The following ARAP2 variants were observed in gnomAD, a reference collection of about 807,000 sequenced individuals.
ARAP2 encodes the protein ArfGAP with RhoGAP domain, ankyrin repeat and PH domain 2, also known as arf-GAP with Rho-GAP domain, ANK repeat and PH domain-containing protein 2.
In ARAP2, 148 loss-of-function variants were observed where a neutral mutation model predicts 194.5. The ratio of observed to expected loss-of-function variants is 0.76; its 90% CI spans 0.67 to 0.87. The LOEUF (loss-of-function observed/expected upper bound fraction) is 0.87, where lower values mean the gene tolerates loss of function less well. Ranked by LOEUF, ARAP2 falls within the 40% of genes least tolerant of loss-of-function variation. ARAP2 has a pLI of 0.00. For missense variants in ARAP2, 2,128 were observed against 1,989.7 expected (o/e 1.07, Z -1.32); for synonymous variants, 695 against 683.5 (o/e 1.02, Z -0.26).
rs552488401 is a variant in ARAP2 at position 36,180,545 on chromosome 4, C to T, written c.1679-2540G>A. Among the ~76,000 whole-genome samples the T allele has an allele frequency of 7.9e-5, 12 of 152,294 alleles. No individual in the cohort carries two copies. In the East Asian group the frequency reaches 2.1e-3, roughly 27 times the overall value. Reference sequence around the variant, plus strand: ...TTATTACTTGTGATCGTTAGTTTCACGTAAGATATTCCTGCCGAATAAATG... The same window carrying T: ...TTATTACTTGTGATCGTTAGTTTCATGTAAGATATTCCTGCCGAATAAATG... On this transcript the variant is annotated intron_variant, in intron 8 of 32. Transcript: ENST00000303965.
chr4:36,108,767 C>G (rs1287528302), intron 26 of ARAP2, among the ~76,000 whole-genome samples: 1 of 151,888 alleles, frequency 6.6e-6, no homozygotes, highest in African/African-American at 2.4e-5. Flanking sequence ...TAAAATGTAG[C>G]AACAGAAACA....
chr4:36,098,230 T>C (rs1715857297), intron 27 of ARAP2, among the ~76,000 whole-genome samples: 2 of 151,960 alleles, frequency 1.3e-5, no homozygotes, highest in African/African-American at 2.4e-5. Context: ...TTCTCAGATA[T>C]ATATCCCCCG....
At chr4:36,177,295 T>C (rs986815106) in intron 9 of ARAP2, among the ~76,000 whole-genome samples, 1 of 152,174 alleles carries the variant, frequency 6.6e-6, no homozygotes, top group Non-Finnish European at 1.5e-5. Flanking sequence ...GATGTATGTA[T>C]GTATGTGCAC....
At chr4:36,182,494 T>C in intron 8 of ARAP2, among the ~76,000 whole-genome samples, 1 of 75,666 alleles carries the variant, frequency 1.3e-5, no homozygotes, top group South Asian at 5.6e-4. Context: ...AGACTCCATC[T>C]CTAAATAAAT....
At chr4:36,076,603 T>C (rs1201078746) in intron 31 of ARAP2, among the ~76,000 whole-genome samples, 1 of 151,780 alleles carries the variant, frequency 6.6e-6, no homozygotes, top group Admixed American at 6.6e-5. Flanking sequence ...TCTCTCTCTC[T>C]CCCCAACCCT....
At chr4:36,110,672 T>C (rs568119036) in intron 26 of ARAP2, among the ~76,000 whole-genome samples, 5 of 152,094 alleles carry the variant, frequency 3.3e-5, no homozygotes, top group African/African-American at 1.2e-4. Flanking sequence ...TCAAAAATGT[T>C]AAAATATTTT....
At chr4:36,194,795 T>A (rs1314114247) in intron 6 of ARAP2, among the ~76,000 whole-genome samples, 1 of 152,214 alleles carries the variant, frequency 6.6e-6, no homozygotes, top group African/African-American at 2.4e-5. Context: ...ATTGAATTAA[T>A]TATGAAGTAA....
chr4:36,083,513 A>G (rs770390762), intron 28 of ARAP2, 63 bp from the exon 29 acceptor site: 6 of 1,163,218 alleles, frequency 5.2e-6, no homozygotes, highest in Admixed American at 5.5e-5. Context: ...ATTTTCTTTG[A>G]GCATTAATGA....
At chr4:36,181,064 G>A (rs1023439082) in intron 8 of ARAP2, among the ~76,000 whole-genome samples, 3 of 152,212 alleles carry the variant, frequency 2.0e-5, no homozygotes, top group African/African-American at 4.8e-5. Context: ...AGAGTCTAGG[G>A]TAAAGTTAGA....
chr4:36,042,935 C>T (rs534380569), intron 5 of ARAP2, among the ~76,000 whole-genome samples: 1 of 151,918 alleles, frequency 6.6e-6, no homozygotes, highest in East Asian at 1.9e-4. Context: ...CTCTGCCTCC[C>T]AGGTTCAAGC....
At chr4:36,225,676 G>T (rs1343631144) in intron 2 of ARAP2, among the ~76,000 whole-genome samples, 2 of 152,102 alleles carry the variant, frequency 1.3e-5, no homozygotes, top group African/African-American at 4.8e-5. Context: ...AGATTCTGTT[G>T]AGAGGAAGGA....
downstream of ARAP2, among the ~76,000 whole-genome samples, chr4:36,062,073 ATAT>A (rs1457285439): frequency 2.0e-5 from 3 of 152,210 alleles, no homozygotes; most frequent in Admixed American, 6.5e-5. Flanking sequence ...TAGTTTGCAA[ATAT>A]TTTTTGCCAT....
At chr4:36,194,143 T>C (rs1419460855) in intron 6 of ARAP2, among the ~76,000 whole-genome samples, 2 of 152,180 alleles carry the variant, frequency 1.3e-5, no homozygotes, top group African/African-American at 4.8e-5. Flanking sequence ...CCTGAACAAA[T>C]ATACAGAATC....
intron 31 of ARAP2, among the ~76,000 whole-genome samples, chr4:36,077,893 T>C (rs961419827): frequency 6.6e-6 from 1 of 152,130 alleles, no homozygotes; most frequent in Non-Finnish European, 1.5e-5. Flanking sequence ...TCCTGAATGA[T>C]CCTTCCTGGA....
At chr4:36,141,105 A>G (rs1157888702) in intron 19 of ARAP2, among the ~76,000 whole-genome samples, 1 of 151,670 alleles carries the variant, frequency 6.6e-6, no homozygotes, top group African/African-American at 2.4e-5. Flanking sequence ...ATAGTTCTCA[A>G]ATTTTGAGAA....
intron 5 of ARAP2, among the ~76,000 whole-genome samples, chr4:36,030,276 G>T (rs986210253): frequency 6.6e-6 from 1 of 151,804 alleles, no homozygotes; most frequent in African/African-American, 2.4e-5. Context: ...TAAAAATTTT[G>T]AGTTCAAAGT....
At position 36,133,337 on chromosome 4, in the gene ARAP2, C is replaced by G; in HGVS notation, c.3316G>C (p.Ala1106Pro). ...TCTGTACCTGCTGCTTTTTCAATTG[C>G]AGTATGCCAGACTGTGAAATCCAAC... ...TKLDFTVWHT[A>P]IEKAAGTDGN... is the part of the protein sequence containing the mutation. Residue 1106 changes from alanine to proline, a missense_variant, in exon 20 of 33, where the codon GCA becomes CCA. Coordinates refer to ENST00000303965, the MANE Select transcript of ARAP2 (RefSeq NM_015230.4). 1 of 1,611,194 alleles carries G rather than the reference C, an allele frequency of 6.2e-7. No individual in the cohort carries two copies. The highest frequency in any genetic ancestry group is 8.5e-7 in the Non-Finnish European group (1 of 1,178,176).
chr4:36,208,638 G>A lies in ARAP2; in HGVS notation c.1487+1752C>T, dbSNP rs1009577732. Among the ~76,000 whole-genome samples, 4 of 152,312 alleles carry A rather than the reference G, an allele frequency of 2.6e-5. No homozygotes were observed. In the East Asian group the frequency reaches 7.7e-4, roughly 29 times the overall value. On this transcript the variant is annotated intron_variant, in intron 6 of 32. Coordinates refer to ENST00000303965, the MANE Select transcript of ARAP2 (RefSeq NM_015230.4). ...TCTTAAACCCTCACAATAGCCTACA[G>A]AGCCTAATTAGGAAAGGAAAAATTC...
chr4:36,102,710 A>G (rs1310230665), intron 27 of ARAP2, among the ~76,000 whole-genome samples: 5 of 151,962 alleles, frequency 3.3e-5, no homozygotes, highest in Admixed American at 3.3e-4. Flanking sequence ...CTAATATTTC[A>G]ACAGTTGTCA....
Sources: allele counts gnomAD v4.1 joint callset (sites outside exome capture counted in the v4.1 genomes callset), GRCh38; gene constraint gnomAD v4.1.1; transcripts MANE v1.5; gene names NCBI Gene and HGNC (gene_info 2026-07-23, HGNC 2026-07-21).